NCKAP5: variants seen among roughly 807,000 people sequenced by gnomAD.
NCKAP5 encodes the protein NCK associated protein 5.
In NCKAP5, 92 loss-of-function variants were observed where a neutral mutation model predicts 167.0. The ratio of observed to expected loss-of-function variants is 0.55; its 90% CI spans 0.47 to 0.66. The LOEUF (loss-of-function observed/expected upper bound fraction) is 0.66. Ranked by LOEUF, NCKAP5 falls within the 30% of genes least tolerant of loss-of-function variation. NCKAP5 has a pLI of 0.00. For missense variants in NCKAP5, 2,378 were observed against 2,315.0 expected (o/e 1.03, Z -0.56); for synonymous variants, 891 against 877.4 (o/e 1.02, Z -0.27).
At chr2:133,650,828 G>A in the NCKAP5 span, among the ~76,000 whole-genome samples, 22 of 152,286 alleles carry the variant, frequency 1.4e-4, no homozygotes, top group Middle Eastern at 3.4e-3. Context: ...ACTGCAGTGC[G>A]CTGAGATTGC....
chr2:132,783,140 G>A lies in NCKAP5; in HGVS notation c.3671C>T (p.Pro1224Leu), dbSNP rs1261780094. The change falls in exon 14 of 20, where the codon CCC becomes CTC. Residue 1224 changes from proline (P) to leucine (L), a missense_variant. Pro to Leu is a moderately conservative substitution (Grantham distance 98). Transcript: ENST00000409261. ...TGGCTCTTGTAGTGCTGTTTCCAGG[G>A]GAAGCCCATCAGCTAAACTGCCCTG... ...QAQGSLADGL[P>L]LETALQEPLE... is the part of the protein sequence containing the mutation. The A allele has an allele frequency of 3.7e-6, 6 of 1,613,372 alleles. No homozygotes were observed. Among genetic ancestry groups the A allele is most frequent in the Admixed American group, 1.7e-5 (1 of 59,956 alleles).
At chr2:133,249,318 T>C (rs774762018) in intron 4 of NCKAP5, among the ~76,000 whole-genome samples, 1 of 152,162 alleles carries the variant, frequency 6.6e-6, no homozygotes, top group Non-Finnish European at 1.5e-5. Context: ...AGGATGGATG[T>C]AGGGGTCAAA....
the NCKAP5 span, among the ~76,000 whole-genome samples, chr2:133,615,056 A>G: frequency 6.6e-6 from 1 of 150,782 alleles, no homozygotes. Context: ...ACTAAGCTTC[A>G]TAAGTGAAGG....
chr2:133,348,504 T>C (rs1287825282), intron 3 of NCKAP5, among the ~76,000 whole-genome samples: 1 of 151,464 alleles, frequency 6.6e-6, no homozygotes, highest in Non-Finnish European at 1.5e-5. Flanking sequence ...AGAATAAAGT[T>C]ACAGCCCTAC....
intron 16 of NCKAP5, among the ~76,000 whole-genome samples, chr2:132,748,596 C>T (rs1196305379): frequency 3.9e-5 from 6 of 152,190 alleles, no homozygotes; most frequent in Admixed American, 6.5e-5. Context: ...CTTCTAACAC[C>T]AAGTCCAGAG....
rs59250098 is a variant in NCKAP5, at chr2:132,713,015, T to C, written c.5713+12612A>G. Among the ~76,000 whole-genome samples the C allele has an allele frequency of 8.0e-3, 1,222 of 152,240 alleles. 14 individuals carry two copies. The highest frequency in any genetic ancestry group is 0.026 in the African/African-American group (1,086 of 41,516). On this transcript the variant is annotated intron_variant, in intron 19 of 19. Coordinates refer to ENST00000409261, the MANE Select transcript of NCKAP5 (RefSeq NM_207363.3). Reference sequence around the variant, plus strand: ...GAACAAGGGAGACAGTGCACTGACATGGAATGATCTCCAGGATATATTAAG... The same window carrying C: ...GAACAAGGGAGACAGTGCACTGACACGGAATGATCTCCAGGATATATTAAG...
At chr2:133,341,278 G>A (rs991062342) in intron 3 of NCKAP5, among the ~76,000 whole-genome samples, 1 of 132,898 alleles carries the variant, frequency 7.5e-6, no homozygotes, top group Non-Finnish European at 1.6e-5. Flanking sequence ...TTCTGGAAGT[G>A]AGCAGATTTT....
chr2:132,844,265 G>C (rs1320544960), intron 11 of NCKAP5, among the ~76,000 whole-genome samples: 4 of 151,722 alleles, frequency 2.6e-5, no homozygotes, highest in Admixed American at 2.0e-4. Context: ...ATCTTGATTT[G>C]CTTTTAATTT....
At chr2:133,027,764 A>G (rs1275456014) in intron 6 of NCKAP5, among the ~76,000 whole-genome samples, 1 of 152,228 alleles carries the variant, frequency 6.6e-6, no homozygotes, top group Admixed American at 6.5e-5. Context: ...AATTTATAAA[A>G]TTATAATTCA....
chr2:132,933,667 T>C (rs756017413), intron 8 of NCKAP5, among the ~76,000 whole-genome samples: 3 of 152,202 alleles, frequency 2.0e-5, no homozygotes, highest in African/African-American at 4.8e-5. Context: ...CCAAAAGAAA[T>C]AGCTTTGATC....
intron 11 of NCKAP5, among the ~76,000 whole-genome samples, chr2:132,842,656 C>T (rs1688373878): frequency 6.6e-6 from 1 of 151,994 alleles, no homozygotes; most frequent in South Asian, 2.1e-4. Flanking sequence ...CTCCAATCCT[C>T]CCACTTCAGC....
chr2:133,168,139 C>A (rs1033224531), intron 5 of NCKAP5, among the ~76,000 whole-genome samples: 2 of 152,138 alleles, frequency 1.3e-5, no homozygotes, highest in African/African-American at 2.4e-5. Context: ...GGAATGTGTT[C>A]AAAGTCACAA....
intron 3 of NCKAP5, among the ~76,000 whole-genome samples, chr2:133,337,135 C>A (rs1002309813): frequency 6.6e-6 from 1 of 152,168 alleles, no homozygotes; most frequent in Non-Finnish European, 1.5e-5. Context: ...TCATAAAGAA[C>A]CCAAATTATT....
chr2:133,119,179 T>A (rs1442948306), intron 6 of NCKAP5: 1 of 152,062 alleles, frequency 6.6e-6, no homozygotes, highest in African/African-American at 2.4e-5. Flanking sequence ...ATTTTTGTAG[T>A]TTTTAGTAGA....
At chr2:132,842,633 T>G (rs1215246531) in intron 11 of NCKAP5, among the ~76,000 whole-genome samples, 1 of 152,018 alleles carries the variant, frequency 6.6e-6, no homozygotes, top group African/African-American at 2.4e-5. Context: ...GCTCACTGCC[T>G]CAACCTCCTG....
chr2:133,552,584 G>A (rs1417592740), intron 2 of NCKAP5, among the ~76,000 whole-genome samples: 1 of 130,016 alleles, frequency 7.7e-6, no homozygotes, highest in Non-Finnish European at 1.6e-5. Flanking sequence ...ATCACACTCT[G>A]CGGACTGTGG....
intron 5 of NCKAP5, among the ~76,000 whole-genome samples, chr2:133,207,811 A>C (rs1027442980): frequency 7.2e-5 from 11 of 152,226 alleles, no homozygotes; most frequent in Non-Finnish European, 1.6e-4. Flanking sequence ...TTGAATAAAT[A>C]ATAAGGAAGA....
At chr2:133,056,853 C>T (rs2079821266) in intron 6 of NCKAP5, among the ~76,000 whole-genome samples, 1 of 152,092 alleles carries the variant, frequency 6.6e-6, no homozygotes, top group South Asian at 2.1e-4. Flanking sequence ...CGCAACCATG[C>T]CCTGTTTTAG....
chr2:133,436,217 C>T (rs1690467776), intron 3 of NCKAP5, among the ~76,000 whole-genome samples: 1 of 152,196 alleles, frequency 6.6e-6, no homozygotes, highest in Admixed American at 6.5e-5. Flanking sequence ...ATTCTCAGTT[C>T]TGGCTGCCTG....
Sources: allele counts gnomAD v4.1 joint callset (sites outside exome capture counted in the v4.1 genomes callset), GRCh38; gene constraint gnomAD v4.1.1; transcripts MANE v1.5; gene names NCBI Gene and HGNC (gene_info 2026-07-23, HGNC 2026-07-21).